GFRA1: variants seen among roughly 807,000 people sequenced by gnomAD.
GFRA1 encodes the protein GDNF family receptor alpha-1.
In GFRA1, 16 loss-of-function variants were observed where a neutral mutation model predicts 51.6. The observed-to-expected ratio is 0.31, with a 90% CI of 0.21 to 0.47. GFRA1 has a LOEUF of 0.47. GFRA1 is among the 20% of genes least tolerant of loss of function. The probability of loss-of-function intolerance (pLI) is 1.00; values close to 1 mark genes in which losing one functional copy is unlikely to be tolerated. For missense variants in GFRA1, 530 were observed against 594.3 expected, an observed-to-expected ratio of 0.89 and a Z score of 1.13; for synonymous variants, 270 against 241.3, an observed-to-expected ratio of 1.12 and a Z score of -1.10.
Position 116,147,841 on chromosome 10 carries a change from C to A in GFRA1, c.434-22284G>T, listed in dbSNP as rs1451064820. Among the ~76,000 whole-genome samples, 3 of 152,142 alleles carry A rather than the reference C, an allele frequency of 2.0e-5. No homozygotes were observed. In the East Asian group the frequency reaches 5.8e-4, roughly 29 times the overall value. ...TATTCTCACTCAAACCTCACGCACG[C>A]TCCTCCCCCAGATATCCGCTTCCGG... On this transcript the variant is annotated intron_variant, in intron 5 of 10. Coordinates refer to ENST00000355422, the MANE Select transcript of GFRA1 (RefSeq NM_005264.8).
chr10:116,247,916 G>A (rs1031532031), intron 4 of GFRA1, among the ~76,000 whole-genome samples: 1 of 152,156 alleles, frequency 6.6e-6, no homozygotes, highest in African/African-American at 2.4e-5. Flanking sequence ...AATACTTGTA[G>A]AATGAATCAC....
chr10:116,177,568 A>G (rs941196172), intron 5 of GFRA1, among the ~76,000 whole-genome samples: 4 of 152,006 alleles, frequency 2.6e-5, no homozygotes, highest in Non-Finnish European at 5.9e-5. Flanking sequence ...GGTAACTGAA[A>G]CCCTGGGAGC....
chr10:116,069,671 C>G (rs973630433), intron 9 of GFRA1, among the ~76,000 whole-genome samples: 1 of 152,212 alleles, frequency 6.6e-6, no homozygotes, highest in Non-Finnish European at 1.5e-5. Context: ...AGGCTGTTAA[C>G]CTCTGTTACC....
intron 5 of GFRA1, among the ~76,000 whole-genome samples, chr10:116,136,875 C>A (rs1192238567): frequency 6.6e-6 from 1 of 152,128 alleles, no homozygotes; most frequent in Non-Finnish European, 1.5e-5. Context: ...GGACAATGCT[C>A]AGGAGTAGAA....
chr10:116,216,729 G>GA (rs1965589328), intron 4 of GFRA1, among the ~76,000 whole-genome samples: 1 of 152,112 alleles, frequency 6.6e-6, no homozygotes, highest in Non-Finnish European at 1.5e-5. Context: ...GCTGTCTTGC[G>GA]AGTCCTCCTG....
At chr10:116,245,430 A>G (rs1352181942) in intron 4 of GFRA1, among the ~76,000 whole-genome samples, 1 of 152,206 alleles carries the variant, frequency 6.6e-6, no homozygotes, top group Non-Finnish European at 1.5e-5. Flanking sequence ...TGACACCACC[A>G]AATGCTGATG....
intron 5 of GFRA1, among the ~76,000 whole-genome samples, chr10:116,175,656 T>C (rs1410256110): frequency 6.6e-6 from 1 of 152,156 alleles, no homozygotes; most frequent in Non-Finnish European, 1.5e-5. Flanking sequence ...TTTGGCATTG[T>C]CCTATCATGG....
At chr10:116,092,134 CACACAT>C in intron 8 of GFRA1, among the ~76,000 whole-genome samples, 1 of 146,174 alleles carries the variant, frequency 6.8e-6, no homozygotes, top group Admixed American at 6.8e-5. Context: ...CACACACACA[CACACAT>C]TTTCAGTCGA....
At chr10:116,263,805 C>G (rs764917977) in intron 4 of GFRA1, among the ~76,000 whole-genome samples, 4 of 152,096 alleles carry the variant, frequency 2.6e-5, no homozygotes, top group Non-Finnish European at 4.4e-5. Context: ...ACAGTTACAT[C>G]CATGATGTGG....
In GFRA1 at chr10:116,060,239, T is replaced by C. The variant is rs1312382828; in HGVS notation, c.*4159A>G. 5 of 152,058 alleles carry C rather than the reference T, an allele frequency of 3.3e-5. No individual in the cohort carries two copies. The highest frequency in any genetic ancestry group is 6.5e-5 in the Admixed American group (1 of 15,276). The allele number at this position is 152,058 out of a possible 1,614,324, so 9.4% of individuals were successfully genotyped here. Reference sequence around the variant, plus strand: ...TGTCAAAGCCAAGAGGTGTCAGATATACACTTGAGATATCTATCTTAGGGA... The same window carrying C: ...TGTCAAAGCCAAGAGGTGTCAGATACACACTTGAGATATCTATCTTAGGGA... On this transcript the variant is annotated 3_prime_UTR_variant, in exon 11 of 11. Coordinates refer to ENST00000355422, the MANE Select transcript of GFRA1 (RefSeq NM_005264.8).
At chr10:116,264,026 G>C (rs1969476452) in intron 4 of GFRA1, among the ~76,000 whole-genome samples, 1 of 152,134 alleles carries the variant, frequency 6.6e-6, no homozygotes, top group Non-Finnish European at 1.5e-5. Context: ...ATCCATTCTG[G>C]ACATGCTAAG....
At chr10:116,274,167 C>T (rs1844135253), upstream of GFRA1, among the ~76,000 whole-genome samples, 9 of 148,964 alleles carry the variant, frequency 6.0e-5, no homozygotes, top group South Asian at 1.9e-3. Flanking sequence ...GCTCACCCCC[C>T]GCCCCCCACG....
intron 4 of GFRA1, among the ~76,000 whole-genome samples, chr10:116,225,634 G>A (rs913996030): frequency 6.6e-6 from 1 of 151,056 alleles, no homozygotes; most frequent in Non-Finnish European, 1.5e-5. Context: ...CTATTGTCCA[G>A]GCTGGAATGC....
At chr10:116,172,785 C>T (rs984203992) in intron 5 of GFRA1, among the ~76,000 whole-genome samples, 10 of 152,158 alleles carry the variant, frequency 6.6e-5, no homozygotes, top group Admixed American at 2.6e-4. Flanking sequence ...GTGGGGCAGT[C>T]GCCACCTGAG....
chr10:116,111,137 GGC>G (rs1957194624), intron 6 of GFRA1, among the ~76,000 whole-genome samples: 3 of 152,168 alleles, frequency 2.0e-5, no homozygotes, highest in Admixed American at 6.5e-5. Flanking sequence ...GAATAGCCCA[GGC>G]CAAAGACTGC....
At chr10:116,196,316 C>T (rs1555166461) in intron 5 of GFRA1, among the ~76,000 whole-genome samples, 1 of 150,890 alleles carries the variant, frequency 6.6e-6, no homozygotes, top group Non-Finnish European at 1.5e-5. Flanking sequence ...AGTGAAACCT[C>T]ATCTCTACTA....
intron 5 of GFRA1, among the ~76,000 whole-genome samples, chr10:116,184,772 T>C (rs954645531): frequency 5.3e-5 from 8 of 152,120 alleles, no homozygotes; most frequent in African/African-American, 1.9e-4. Flanking sequence ...CCTGGGAAAA[T>C]AGGTCACATT....
At chr10:116,181,536 C>T (rs1026795254) in intron 5 of GFRA1, among the ~76,000 whole-genome samples, 9 of 152,130 alleles carry the variant, frequency 5.9e-5, no homozygotes, top group East Asian at 1.9e-4. Flanking sequence ...AATAATATCT[C>T]GATGAGCTAT....
intron 6 of GFRA1, among the ~76,000 whole-genome samples, chr10:116,117,413 C>T (rs911162491): frequency 2.6e-5 from 4 of 152,004 alleles, no homozygotes; most frequent in African/African-American, 7.3e-5. Context: ...TTGTCCCTTC[C>T]TGCCAGAGAC....
Sources: gnomAD v4.1 joint callset for allele counts (sites outside exome capture counted in the v4.1 genomes callset) on GRCh38, gnomAD v4.1.1 for gene constraint, MANE v1.5 for transcripts, NCBI Gene and HGNC (gene_info 2026-07-23, HGNC 2026-07-21) for gene names.